Variants in SLC11A2 observed in about 807,000 individuals in gnomAD.
The protein encoded by SLC11A2 is solute carrier family 11 member 2, also known as natural resistance-associated macrophage protein 2.
In SLC11A2, 38 loss-of-function variants were observed where a neutral mutation model predicts 68.0. That is an observed-to-expected ratio of 0.56 (90% CI 0.43 to 0.73). SLC11A2 has a LOEUF of 0.73. Ranked by LOEUF, SLC11A2 falls within the 30% of genes least tolerant of loss-of-function variation. The probability of loss-of-function intolerance (pLI) is 0.00; values close to 1 mark genes in which losing one functional copy is unlikely to be tolerated. For synonymous variants in SLC11A2, 242 were observed against 250.6 expected (o/e 0.97, Z 0.32); for missense variants, 517 against 690.5 (o/e 0.75, Z 2.82).
the SLC11A2 span, among the ~76,000 whole-genome samples, chr12:50,953,119 G>A: frequency 7.9e-5 from 12 of 152,186 alleles, no homozygotes; most frequent in Non-Finnish European, 1.8e-4. Context: ...CCCCTGGGGC[G>A]TGTTTCTGGG....
In SLC11A2 at chr12:50,986,074, C is replaced by T; in HGVS notation, c.*2251G>A. The T allele has an allele frequency of 7.8e-7, 1 of 1,286,058 alleles. No individual in the cohort carries two copies. The highest frequency in any genetic ancestry group is 1.0e-6 in the Non-Finnish European group (1 of 988,156). The allele number at this position is 1,286,058 out of a possible 1,614,324, so 79.7% of individuals were successfully genotyped here. On this transcript the variant is annotated 3_prime_UTR_variant, in exon 16 of 16. Transcript: ENST00000262052. ...ACTAAAAGCTCAGTTGTAACCACTCCTAACACCACTAGCAGAACCTCAAGG... is the reference window on the plus strand; with the variant it reads ...ACTAAAAGCTCAGTTGTAACCACTCTTAACACCACTAGCAGAACCTCAAGG...
At chr12:50,963,639 A>G in the SLC11A2 span, among the ~76,000 whole-genome samples, 9 of 152,274 alleles carry the variant, frequency 5.9e-5, no homozygotes, top group Admixed American at 3.9e-4. Flanking sequence ...GGCTGTGCTC[A>G]TGATTGCTGA....
At chr12:50,983,789 G>A (rs950055761), downstream of SLC11A2, among the ~76,000 whole-genome samples, 1 of 152,058 alleles carries the variant, frequency 6.6e-6, no homozygotes, top group African/African-American at 2.4e-5. Context: ...TGGCCAACAT[G>A]GTGAATCCCC....
At position 50,986,904 on chromosome 12, in the gene SLC11A2, A is replaced by C; in HGVS notation, c.*1421T>G. ...TTGGGGGCTCAGATGAACAGCGAACACCAATCAGCCAGGACTCTGGAAGGA... is the reference window on the plus strand; with the variant it reads ...TTGGGGGCTCAGATGAACAGCGAACCCCAATCAGCCAGGACTCTGGAAGGA... On this transcript the variant is annotated 3_prime_UTR_variant, in exon 16 of 16. Coordinates refer to ENST00000262052, the MANE Select transcript of SLC11A2 (RefSeq NM_000617.3). 7.8e-7 allele frequency: 1 copy of C among 1,287,226 alleles called. No individual in the cohort carries two copies. Among genetic ancestry groups the C allele is most frequent in the Non-Finnish European group, 1.0e-6 (1 of 988,696 alleles). The allele number at this position is 1,287,226 out of a possible 1,614,324, so 79.7% of individuals were successfully genotyped here.
chr12:50,982,639 GCAAA>G (rs1410000018), downstream of SLC11A2, among the ~76,000 whole-genome samples: 3 of 151,220 alleles, frequency 2.0e-5, no homozygotes, highest in Admixed American at 6.6e-5. Flanking sequence ...AAACAAAACA[GCAAA>G]CAAACAAAAA....
downstream of SLC11A2, among the ~76,000 whole-genome samples, chr12:50,982,710 G>A (rs901744845): frequency 1.3e-5 from 2 of 152,124 alleles, no homozygotes; most frequent in South Asian, 2.1e-4. Context: ...GTGGGAGGCC[G>A]AGGCGCATGG....
At chr12:50,953,924 T>A in the SLC11A2 span, 6 of 832,340 alleles carry the variant, frequency 7.2e-6, no homozygotes, top group Non-Finnish European at 1.2e-5. Context: ...AAGAGTATGA[T>A]GGGAGAGGAA....
Position 50,991,652 on chromosome 12 carries a change from G to A in SLC11A2, c.1368C>T (p.Pro456=), listed in dbSNP as rs762032438. The change falls in exon 14 of 16, where the codon CCC becomes CCT. Residue 456 remains proline, a synonymous_variant. Coordinates refer to ENST00000262052, the MANE Select transcript of SLC11A2 (RefSeq NM_000617.3). ...GCCGCAAGCTCGTAAATGTGAGGAT[G>A]GGTATGAGAGCAAAGGGAAGCTGGA... ...QSLQLPFALI[P]ILTFTSLRPV... is the part of the protein sequence containing the mutation. 1.2e-6 allele frequency: 2 copies of A among 1,613,800 alleles called. No homozygotes were observed. The highest frequency in any genetic ancestry group is 1.7e-6 in the Non-Finnish European group (2 of 1,179,850).
intron 15 of SLC11A2, among the ~76,000 whole-genome samples, chr12:50,988,759 C>T (rs1940850487): frequency 6.6e-6 from 1 of 152,088 alleles, no homozygotes; most frequent in Non-Finnish European, 1.5e-5. Context: ...ATTGCTCAGG[C>T]TGGAGTATAG....
the SLC11A2 span, chr12:50,953,959 C>A: frequency 8.5e-7 from 1 of 1,178,218 alleles, no homozygotes; most frequent in Non-Finnish European, 1.3e-6. Flanking sequence ...TAATGATTCA[C>A]GGCAACCACA....
At position 51,000,340 on chromosome 12, in the gene SLC11A2, A is replaced by C. The variant is rs1942094088; in HGVS notation, c.509T>G (p.Ile170Ser). Residue 170 changes from isoleucine to serine, a missense_variant, in exon 6 of 16, where the codon ATT becomes AGT. Transcript: ENST00000262052. ...TCCTACAGACAGAAGATTGATAGCA[A>C]TGGCTGAGCCAATGACTTCTTGCAT... ...SDMQEVIGSAIAINLLSVGRI... is the reference protein window; with the variant it reads ...SDMQEVIGSASAINLLSVGRI... The C allele has an allele frequency of 1.2e-6, 2 of 1,613,450 alleles. No homozygotes were observed. Among genetic ancestry groups the C allele is most frequent in the African/African-American group, 1.3e-5 (1 of 74,934 alleles).
rs548204765 is a variant in SLC11A2, at chr12:51,007,004, T to C, written c.183+1472A>G. ...CTCAAGCGATCCACCCGCCTCAGCCTCCCAAAGTGCTGGGATTACATGCAT... is the reference window on the plus strand; with the variant it reads ...CTCAAGCGATCCACCCGCCTCAGCCCCCCAAAGTGCTGGGATTACATGCAT... On this transcript the variant is annotated intron_variant, in intron 3 of 15. Coordinates refer to ENST00000262052, the MANE Select transcript of SLC11A2 (RefSeq NM_000617.3). Among the ~76,000 whole-genome samples, 9 of 152,254 alleles carry C rather than the reference T, an allele frequency of 5.9e-5. 1 individual carries two copies. Among genetic ancestry groups the C allele is most frequent in the Admixed American group, 2.6e-4 (4 of 15,274 alleles).
At chr12:50,961,099 C>T in the SLC11A2 span, 227 of 1,613,494 alleles carry the variant, frequency 1.4e-4, no homozygotes, top group Non-Finnish European at 1.2e-4. Flanking sequence ...AGCTGTGACT[C>T]TAGGTAACCC....
intron 1 of SLC11A2, chr12:51,025,896 T>C: frequency 1.0e-6 from 1 of 988,716 alleles, no homozygotes; most frequent in Non-Finnish European, 1.2e-6. Flanking sequence ...CCCGGCCCCC[T>C]GCGGCGCCGA....
At chr12:50,978,448 C>A (rs1232200324), downstream of SLC11A2, among the ~76,000 whole-genome samples, 1 of 134,316 alleles carries the variant, frequency 7.4e-6, no homozygotes, top group Non-Finnish European at 1.5e-5. Context: ...ACAATGAGAA[C>A]ACTTGGACAC....
chr12:50,995,859 GGAGTCAGCT>G (rs1347783790), intron 9 of SLC11A2, 72 bp from the exon 10 acceptor site: 1 of 1,476,220 alleles, frequency 6.8e-7, no homozygotes, highest in Non-Finnish European at 9.5e-7. Context: ...TCAGGAGTTT[GGAGTCAGCT>G]GAGAGATTTA....
chr12:50,986,511 C>T lies in SLC11A2; in HGVS notation c.*1814G>A. On this transcript the variant is annotated 3_prime_UTR_variant, in exon 16 of 16. Transcript: ENST00000262052. ...CTCCTAAATGCTTGTAAATCTGAGA[C>T]TGACTGGACCCACCCAGACCCAGGG... 7.8e-7 allele frequency: 1 copy of T among 1,286,988 alleles called. No individual in the cohort carries two copies. The highest frequency in any genetic ancestry group is 3.3e-4 in the Middle Eastern group (1 of 3,064). 79.7% of individuals were successfully genotyped at this position (1,286,988 alleles called of 1,614,324 possible).
At chr12:51,003,726 G>A (rs1313221641) in intron 5 of SLC11A2, among the ~76,000 whole-genome samples, 1 of 144,048 alleles carries the variant, frequency 6.9e-6, no homozygotes, top group Non-Finnish European at 1.5e-5. Flanking sequence ...CCAGGAGTTT[G>A]AGACCAGCCT....
At chr12:51,015,175 AT>A (rs1220628428) in intron 1 of SLC11A2, among the ~76,000 whole-genome samples, 1 of 86,810 alleles carries the variant, frequency 1.2e-5, no homozygotes, top group Non-Finnish European at 2.4e-5. Context: ...AAAAAAAAAA[AT>A]TAATAAAACT....
Sources: gnomAD v4.1 joint callset for allele counts (sites outside exome capture counted in the v4.1 genomes callset) on GRCh38, gnomAD v4.1.1 for gene constraint, MANE v1.5 for transcripts, NCBI Gene and HGNC (gene_info 2026-07-23, HGNC 2026-07-21) for gene names.